AHDC1: variants seen among roughly 807,000 people sequenced by gnomAD.
AHDC1 encodes the protein transcription factor Gibbin.
A neutral mutation model predicts 87.9 loss-of-function variants in AHDC1; 7 were observed. The observed-to-expected ratio is 0.08, with a 90% CI of 0.05 to 0.15. The LOEUF is 0.15. Ranked by LOEUF, AHDC1 falls within the 10% of genes least tolerant of loss-of-function variation. AHDC1 has a pLI of 1.00. For synonymous variants in AHDC1, 1,051 were observed against 1,006.8 expected (o/e 1.04, Z -0.83); for missense variants, 1,841 against 2,253.2 (o/e 0.82, Z 3.70).
intron 3 of AHDC1, among the ~76,000 whole-genome samples, chr1:27,575,241 C>G (rs1283837436): frequency 4.6e-5 from 7 of 152,212 alleles, no homozygotes; most frequent in Non-Finnish European, 1.0e-4. Flanking sequence ...GCCACCTCCG[C>G]CCCCCTCCCA....
Position 27,549,031 on chromosome 1 carries a change from AG to A in AHDC1, c.3084del (p.Cys1029AlafsTer113). 4 of 1,575,670 alleles carry A rather than the reference AG, an allele frequency of 2.5e-6. No homozygotes were observed. The highest frequency in any genetic ancestry group is 1.4e-5 in the African/African-American group (1 of 73,926). On this transcript the variant is annotated frameshift_variant, in exon 8 of 9. Transcript: ENST00000673934. LOFTEE classifies it high-confidence loss of function. ...AGYAPPPTGGPCLPPSKASFF... is the reference protein window; with the variant it reads ...AGYAPPPTGGXCLPPSKASFF... ...AAGGAGGCCTTGCTTGGTGGCAGGC[AG>A]GGGCCCCCGGTAGGCGGTGGGGCAT...
rs764238274 is a variant in AHDC1, at chr1:27,549,942, T to C, written c.2174A>G (p.Lys725Arg). The change falls in exon 8 of 9, where the codon AAA (lysine) becomes AGA (arginine). Residue 725 changes from lysine to arginine, a missense_variant. Physicochemically the swap from Lys to Arg is conservative, Grantham distance 26. Around this residue, in one of 13 missense-constraint regions of AHDC1, gnomAD observed 236 missense variants for 257.9 expected, o/e 0.92. Coordinates refer to ENST00000673934, the MANE Select transcript of AHDC1 (RefSeq NM_001371928.1). ...AGCGTCTACCTCCCCCCGGCCCCGT[T>C]TGCGTGGGTGCCCCAACTCAGTAAG... ...PGLTELGHPR[K>R]RGRGEVDAVT... 1.4e-5 allele frequency: 22 copies of C among 1,612,844 alleles called. No homozygotes were observed. The Admixed American group carries it at 3.3e-4, about 24-fold the overall frequency.
At chr1:27,591,203 A>C (rs1475426492) in intron 3 of AHDC1, among the ~76,000 whole-genome samples, 1 of 152,182 alleles carries the variant, frequency 6.6e-6, no homozygotes, top group Non-Finnish European at 1.5e-5. Context: ...GGAGTCTGCC[A>C]ACAGACCCCT....
chr1:27,571,083 G>C (rs1287621800), intron 3 of AHDC1, among the ~76,000 whole-genome samples: 2 of 152,174 alleles, frequency 1.3e-5, no homozygotes, highest in Non-Finnish European at 1.5e-5. Context: ...AAAAGGCAGG[G>C]TACTCTACTT....
chr1:27,537,107 C>T (rs540179053), intron 8 of AHDC1, among the ~76,000 whole-genome samples: 84 of 152,212 alleles, frequency 5.5e-4, no homozygotes, highest in Non-Finnish European at 7.4e-4. Flanking sequence ...TGGGAAGGAG[C>T]GGGGGAGGGG....
chr1:27,565,103 G>A lies in AHDC1; in HGVS notation c.-628-6220C>T, dbSNP rs907423560. On this transcript the variant is annotated intron_variant, in intron 3 of 8. Coordinates refer to ENST00000673934, the MANE Select transcript of AHDC1 (RefSeq NM_001371928.1). This position sits in a 1 kb window ranked among gnomAD's most constrained non-coding sequence, Gnocchi z 4.6. ...CTGCCGAGGCAGCGGCGATCTGGGC[G>A]GCTGGCAGGCATGCTCGCTCCCGCG... Among the ~76,000 whole-genome samples the A allele has an allele frequency of 3.3e-5, 5 of 152,322 alleles. No homozygotes were observed. The highest frequency in any genetic ancestry group is 7.4e-5 in the Non-Finnish European group (5 of 68,012).
intron 5 of AHDC1, among the ~76,000 whole-genome samples, chr1:27,557,228 G>A (rs1283545713): frequency 1.4e-5 from 2 of 145,996 alleles, no homozygotes; most frequent in Non-Finnish European, 1.5e-5. Flanking sequence ...TCCTCCCTCC[G>A]AGGTCACCCA....
intron 3 of AHDC1, among the ~76,000 whole-genome samples, chr1:27,576,678 T>G (rs1160225701): frequency 6.6e-6 from 1 of 152,180 alleles, no homozygotes; most frequent in African/African-American, 2.4e-5. Context: ...GCTGCTTCCC[T>G]CCTCCCTTTC....
intron 8 of AHDC1, among the ~76,000 whole-genome samples, chr1:27,539,921 A>C (rs1440732026): frequency 2.0e-5 from 3 of 152,090 alleles, no homozygotes; most frequent in South Asian, 4.2e-4. Context: ...AGAGCCTCAC[A>C]TTCCTTACCT....
At chr1:27,597,908 C>A (rs1357020996) in intron 3 of AHDC1, among the ~76,000 whole-genome samples, 1 of 152,152 alleles carries the variant, frequency 6.6e-6, no homozygotes, top group Non-Finnish European at 1.5e-5. Flanking sequence ...TTCCATTTTT[C>A]TGCCTCCTCC....
chr1:27,560,265 CAT>C lies in AHDC1; in HGVS notation c.-628-1384_-628-1383del, dbSNP rs1297826169. On this transcript the variant is annotated intron_variant, in intron 3 of 8. Transcript: ENST00000673934. The surrounding 1 kb of genome is among the most constrained non-coding windows in gnomAD (Gnocchi z 4.1). Reference sequence around the variant, plus strand: ...GTTTGTGTGTGAGGACACAGGGGTGCATGTGTGCCTGTGTGTAGCCAGGTGAG... The same window carrying C: ...GTTTGTGTGTGAGGACACAGGGGTGCGTGTGCCTGTGTGTAGCCAGGTGAG... Among the ~76,000 whole-genome samples, 3 of 151,532 alleles carry C rather than the reference CAT, an allele frequency of 2.0e-5. No individual in the cohort carries two copies. Among genetic ancestry groups the C allele is most frequent in the African/African-American group, 7.3e-5 (3 of 41,196 alleles).
chr1:27,549,418 C>T lies in AHDC1; in HGVS notation c.2698G>A (p.Val900Met), dbSNP rs1206931028. The change falls in exon 8 of 9, where the codon GTG (valine) becomes ATG (methionine). Residue 900 changes from valine to methionine, a missense_variant. Coordinates refer to ENST00000673934, the MANE Select transcript of AHDC1 (RefSeq NM_001371928.1). ...TCCGCCCCAGCCCCGCTGCTACCCA[C>T]TGCCACTGGGCTGGCCTTGGCTCCC... is the stretch of plus-strand genomic sequence containing the variant. ...SRGAKASPVA[V>M]GSSGAGADPS... 6.2e-7 allele frequency: 1 copy of T among 1,612,990 alleles called. No homozygotes were observed. Among genetic ancestry groups the T allele is most frequent in the South Asian group, 1.1e-5 (1 of 91,066 alleles).
chr1:27,547,421 C>G lies in AHDC1; in HGVS notation c.4695G>C (p.Arg1565Ser). 6.3e-7 allele frequency: 1 copy of G among 1,580,994 alleles called. No homozygotes were observed. Among genetic ancestry groups the G allele is most frequent in the South Asian group, 1.1e-5 (1 of 87,506 alleles). Residue 1565 changes from arginine (R) to serine (S), a missense_variant, in exon 8 of 9, where the codon AGG (arginine) becomes AGC (serine). Physicochemically the swap from Arg to Ser is moderately radical, Grantham distance 110 (BLOSUM62 -1). Coordinates refer to ENST00000673934, the MANE Select transcript of AHDC1 (RefSeq NM_001371928.1). This position sits in a 1 kb window ranked among gnomAD's most constrained non-coding sequence, Gnocchi z 4.9. The stretch of plus-strand genomic sequence containing the variant: ...GCGCCTGGGGCATAAAGCCTGGGTA[C>G]CTGTAGGCGGTGTCCTGCAGGGGCA... ...SLLPLQDTAYRYPGFMPQAHP... is the reference protein window; with the variant it reads ...SLLPLQDTAYSYPGFMPQAHP...
In AHDC1 at chr1:27,562,843, C is replaced by T. The variant is rs374101664; in HGVS notation, c.-628-3960G>A. Among the ~76,000 whole-genome samples the T allele has an allele frequency of 5.5e-4, 84 of 152,284 alleles. 1 individual carries two copies. The South Asian group carries it at 0.017, about 31-fold the overall frequency. ...AACAGCATGAGAGAATCACACATGCCACTCCCCACAACAGCCTGCGACGGG... is the reference window on the plus strand; with the variant it reads ...AACAGCATGAGAGAATCACACATGCTACTCCCCACAACAGCCTGCGACGGG... On this transcript the variant is annotated intron_variant, in intron 3 of 8. Transcript: ENST00000673934. The surrounding 1 kb of genome is among the most constrained non-coding windows in gnomAD (Gnocchi z 4.4).
intron 8 of AHDC1, among the ~76,000 whole-genome samples, chr1:27,544,220 G>C (rs773619047): frequency 6.6e-6 from 1 of 152,168 alleles, no homozygotes; most frequent in African/African-American, 2.4e-5. Flanking sequence ...CTGCTGTGAA[G>C]GGTCAGTGAG....
At chr1:27,583,870 T>G (rs2088975915) in intron 3 of AHDC1, among the ~76,000 whole-genome samples, 1 of 152,272 alleles carries the variant, frequency 6.6e-6, no homozygotes, top group African/African-American at 2.4e-5. Context: ...CTATAGCATC[T>G]TATCATTTCA....
intron 3 of AHDC1, among the ~76,000 whole-genome samples, chr1:27,566,793 C>G (rs1027175398): frequency 1.7e-5 from 2 of 117,970 alleles, no homozygotes. Context: ...CTGGTTTCAG[C>G]TGGGGCAGTT....
At position 27,550,114 on chromosome 1, in the gene AHDC1, G is replaced by T; in HGVS notation, c.2002C>A (p.Arg668Ser). The change falls in exon 8 of 9, where the codon CGT becomes AGT. Residue 668 changes from arginine to serine, a missense_variant. Physicochemically the swap from Arg to Ser is moderately radical, Grantham distance 110. This residue lies in a region of AHDC1 where 236 missense variants were observed against 257.9 expected (regional missense o/e 0.92). Transcript: ENST00000673934. ...FLHRVQGFRR[R>S]GGKAGGFGGR... Reference sequence around the variant, plus strand: ...CCAAAACCGCCTGCTTTGCCCCCACGCCGCCGGAAGCCCTGCACACGATGC... The same window carrying T: ...CCAAAACCGCCTGCTTTGCCCCCACTCCGCCGGAAGCCCTGCACACGATGC... The T allele has an allele frequency of 6.2e-7, 1 of 1,610,060 alleles. No homozygotes were observed.
At position 27,548,930 on chromosome 1, in the gene AHDC1, T is replaced by C. The variant is rs1451026532; in HGVS notation, c.3186A>G (p.Thr1062=). 8.8e-6 allele frequency: 14 copies of C among 1,593,938 alleles called. No homozygotes were observed. The highest frequency in any genetic ancestry group is 2.7e-5 in the African/African-American group (2 of 74,480). ...TPLRCDSRAS[T]VSPGGYMVPK... ...GTACCATGTAGCCACCGGGCGAGAC[T>C]GTGCTGGCCCGGCTGTCACAGCGCA... The change falls in exon 8 of 9, where the codon ACA becomes ACG. Residue 1062 remains threonine, a synonymous_variant. Transcript: ENST00000673934.
Sources: gnomAD v4.1 joint callset for allele counts (sites outside exome capture counted in the v4.1 genomes callset) on GRCh38, gnomAD v4.1.1 for gene constraint, gnomAD v4.1.1 regional missense constraint, Gnocchi (gnomAD v3.1) non-coding constraint, MANE v1.5 for transcripts, NCBI Gene and HGNC (gene_info 2026-07-23, HGNC 2026-07-21) for gene names.